The following WSCD2 variants were observed in gnomAD, a reference collection of about 807,000 sequenced individuals.
The protein encoded by WSCD2 is sialate:O-sulfotransferase 2.
A neutral mutation model predicts 55.7 loss-of-function variants in WSCD2; 28 were observed. The observed-to-expected ratio is 0.50, with a 90% CI of 0.37 to 0.69. The LOEUF is 0.69. Among genes scored for constraint, WSCD2 ranks in the 30% least tolerant of loss-of-function variants. The pLI is 0.00. For missense variants in WSCD2, 616 were observed against 762.1 expected (o/e 0.81, Z 2.26); for synonymous variants, 301 against 301.9 (o/e 1.00, Z 0.03).
rs774661089 is a variant in WSCD2 at position 108,248,354 on chromosome 12, C to A, written c.*11C>A. 4.4e-6 allele frequency: 7 copies of A among 1,603,688 alleles called. 1 individual carries two copies. The South Asian group carries it at 7.8e-5, about 18-fold the overall frequency. On this transcript the variant is annotated 3_prime_UTR_variant, in exon 9 of 9. Transcript: ENST00000547525. This position sits in a 1 kb window ranked among gnomAD's most constrained non-coding sequence, Gnocchi z 4.3. The stretch of plus-strand genomic sequence containing the variant: ...TACTACCCAAGATGATGCGTCCACA[C>A]AGGGGGAGGGTAGACTGGGAGTCCT...
intron 1 of WSCD2, among the ~76,000 whole-genome samples, chr12:108,153,484 G>T (rs1565920289): frequency 6.6e-6 from 1 of 152,204 alleles, no homozygotes; most frequent in Non-Finnish European, 1.5e-5. Context: ...TGCAGTATCA[G>T]TGGGGATGCT....
rs758097832 is a variant in WSCD2, at chr12:108,204,195, A to G, written c.383-2094A>G. ...GCACGTAGTAGGTGTTCAATACATG[A>G]TAGTTTTGTCTCCTCTGTTTCTGTC... On this transcript the variant is annotated intron_variant, in intron 2 of 8. Transcript: ENST00000547525. 7.2e-5 allele frequency among the ~76,000 whole-genome samples: 11 copies of G among 152,224 alleles called. No homozygotes were observed. The South Asian group carries it at 1.9e-3, about 26-fold the overall frequency.
intron 1 of WSCD2, among the ~76,000 whole-genome samples, chr12:108,144,586 CCTCT>C (rs1877196813): frequency 6.6e-6 from 1 of 152,180 alleles, no homozygotes; most frequent in Non-Finnish European, 1.5e-5. Context: ...ACTCACTTCA[CCTCT>C]CTGAGTCTCA....
chr12:108,144,677 AG>A (rs1250741689), intron 1 of WSCD2, among the ~76,000 whole-genome samples: 1 of 152,072 alleles, frequency 6.6e-6, no homozygotes, highest in Non-Finnish European at 1.5e-5. Context: ...TACACAACAA[AG>A]CTTAGCTCCT....
intron 7 of WSCD2, chr12:108,233,115 C>A: frequency 3.8e-6 from 2 of 522,084 alleles, no homozygotes; most frequent in Non-Finnish European, 6.7e-6. Flanking sequence ...CACTAGCATC[C>A]ATTCAATAAT....
intron 1 of WSCD2, among the ~76,000 whole-genome samples, chr12:108,178,685 TA>T (rs1881231233): frequency 6.6e-6 from 1 of 152,180 alleles, no homozygotes. Flanking sequence ...CCATTCACAG[TA>T]ACAGCAACAA....
At position 108,210,593 on chromosome 12, in the gene WSCD2, C is replaced by T. The variant is rs1026166210; in HGVS notation, c.682+288C>T. 2.6e-4 allele frequency among the ~76,000 whole-genome samples: 39 copies of T among 152,186 alleles called. No homozygotes were observed. Among genetic ancestry groups the T allele is most frequent in the Non-Finnish European group, 5.1e-4 (35 of 68,040 alleles). Reference sequence around the variant, plus strand: ...TCCTCCTTCTGAAACTGAGTTGGAGCCTGAGCCTCGCCTTCCCATCCTGAT... The same window carrying T: ...TCCTCCTTCTGAAACTGAGTTGGAGTCTGAGCCTCGCCTTCCCATCCTGAT... On this transcript the variant is annotated intron_variant, in intron 4 of 8. Coordinates refer to ENST00000547525, the MANE Select transcript of WSCD2 (RefSeq NM_014653.4). This position sits in a 1 kb window ranked among gnomAD's most constrained non-coding sequence, Gnocchi z 4.3.
At chr12:108,158,631 C>T (rs1340600344) in intron 1 of WSCD2, among the ~76,000 whole-genome samples, 1 of 152,098 alleles carries the variant, frequency 6.6e-6, no homozygotes, top group African/African-American at 2.4e-5. Flanking sequence ...ATAGAGGTGG[C>T]AATGATGCTT....
At chr12:108,199,819 TG>T (rs1461513545) in intron 2 of WSCD2, among the ~76,000 whole-genome samples, 3 of 152,206 alleles carry the variant, frequency 2.0e-5, no homozygotes, top group African/African-American at 4.8e-5. Flanking sequence ...AACCAGTATG[TG>T]AACCCAGGTG....
In WSCD2 at chr12:108,210,096, C is replaced by T; in HGVS notation, c.498-25C>T. ...TCGGGGTCTCCATGGTGGCAGCTAC[C>T]CTGCTTGACAGCAGCCTCCCCCAGG... On this transcript the variant is annotated intron_variant, in intron 3 of 8. Transcript: ENST00000547525. The surrounding 1 kb of genome is among the most constrained non-coding windows in gnomAD (Gnocchi z 4.3). 6.2e-7 allele frequency: 1 copy of T among 1,613,928 alleles called. No individual in the cohort carries two copies. The highest frequency in any genetic ancestry group is 1.1e-5 in the South Asian group (1 of 91,042).
At chr12:108,223,195 G>C (rs1287158222) in intron 4 of WSCD2, among the ~76,000 whole-genome samples, 1 of 152,182 alleles carries the variant, frequency 6.6e-6, no homozygotes, top group Non-Finnish European at 1.5e-5. Flanking sequence ...TACCTTCATA[G>C]CAACATCTAG....
intron 1 of WSCD2, among the ~76,000 whole-genome samples, chr12:108,182,213 A>C (rs1477903266): frequency 6.6e-6 from 1 of 152,194 alleles, no homozygotes; most frequent in Non-Finnish European, 1.5e-5. Flanking sequence ...TTCTCTGCCA[A>C]AAGGGAGATT....
intron 1 of WSCD2, among the ~76,000 whole-genome samples, chr12:108,137,070 A>G (rs1390479660): frequency 6.6e-6 from 1 of 152,162 alleles, no homozygotes; most frequent in African/African-American, 2.4e-5. Flanking sequence ...GAGACAGTGG[A>G]TCACCCACAT....
At chr12:108,226,913 C>T in intron 5 of WSCD2, 77 bp from the exon 6 acceptor site, 1 of 1,486,840 alleles carries the variant, frequency 6.7e-7, no homozygotes, top group Non-Finnish European at 9.0e-7. Context: ...AATGCAAATC[C>T]TGTTCTCCAT....
At chr12:108,239,064 C>T (rs1054594874) in intron 7 of WSCD2, among the ~76,000 whole-genome samples, 2 of 152,164 alleles carry the variant, frequency 1.3e-5, no homozygotes, top group African/African-American at 4.8e-5. Context: ...TGATCATGCC[C>T]CTCTTTTTTG....
At position 108,210,381 on chromosome 12, in the gene WSCD2, G is replaced by A. The variant is rs1011038166; in HGVS notation, c.682+76G>A. 1.3e-6 allele frequency: 2 copies of A among 1,493,988 alleles called. No individual in the cohort carries two copies. The highest frequency in any genetic ancestry group is 2.8e-5 in the African/African-American group (2 of 72,604). 92.5% of individuals were successfully genotyped at this position (1,493,988 alleles called of 1,614,324 possible). ...CCTTGCCCACCAAAGAGTCCCACAT[G>A]TCTGCCCTGTACCCTCCATGGCTCC... is the stretch of plus-strand genomic sequence containing the variant. On this transcript the variant is annotated intron_variant, in intron 4 of 8. Coordinates refer to ENST00000547525, the MANE Select transcript of WSCD2 (RefSeq NM_014653.4). The surrounding 1 kb of genome is among the most constrained non-coding windows in gnomAD (Gnocchi z 4.3).
Position 108,210,310 on chromosome 12 carries a change from G to C in WSCD2, c.682+5G>C. On this transcript the variant is annotated splice_donor_5th_base_variant and intron_variant, in intron 4 of 8. Coordinates refer to ENST00000547525, the MANE Select transcript of WSCD2 (RefSeq NM_014653.4). The surrounding 1 kb of genome is among the most constrained non-coding windows in gnomAD (Gnocchi z 4.3). ...CCCAGGAGTCGGCCCGCAGGTGTAC[G>C]TGAGTCTGCCCTGCCCCTCTCTGCT... is the stretch of plus-strand genomic sequence containing the variant. 17 of 1,567,070 alleles carry C rather than the reference G, an allele frequency of 1.1e-5. No homozygotes were observed. Among genetic ancestry groups the C allele is most frequent in the Non-Finnish European group, 1.5e-5 (17 of 1,159,914 alleles).
chr12:108,199,945 C>A (rs1038397862), intron 2 of WSCD2, among the ~76,000 whole-genome samples: 1 of 152,054 alleles, frequency 6.6e-6, no homozygotes, highest in Non-Finnish European at 1.5e-5. Flanking sequence ...TAATACATGC[C>A]AGCTATTATT....
chr12:108,242,289 GA>G (rs1305138340), intron 8 of WSCD2, among the ~76,000 whole-genome samples: 1 of 152,238 alleles, frequency 6.6e-6, no homozygotes, highest in Admixed American at 6.5e-5. Context: ...TCTTCTCAGT[GA>G]GGGGGTGGAA....
Sources: allele counts gnomAD v4.1 joint callset (sites outside exome capture counted in the v4.1 genomes callset), GRCh38; gene constraint gnomAD v4.1.1; non-coding constraint Gnocchi (gnomAD v3.1); transcripts MANE v1.5; gene names NCBI Gene and HGNC (gene_info 2026-07-23, HGNC 2026-07-21).